The following NRG1 variants were observed in gnomAD, a reference collection of about 807,000 sequenced individuals.
NRG1 encodes neuregulin 1, also known as pro-neuregulin-1, membrane-bound isoform.
A neutral mutation model predicts 63.8 loss-of-function variants in NRG1; 18 were observed. The observed-to-expected ratio is 0.28, with a 90% CI of 0.19 to 0.42. The LOEUF is 0.42. NRG1 is among the 10% of genes least tolerant of loss of function. The pLI is 1.00. For synonymous variants in NRG1, 302 were observed against 301.3 expected, an observed-to-expected ratio of 1.00 and a Z score of -0.02; for missense variants, 762 against 814.7, an observed-to-expected ratio of 0.94 and a Z score of 0.79.
chr8:32,264,462 G>A (rs1033831772), intron 1 of NRG1, among the ~76,000 whole-genome samples: 15 of 152,106 alleles, frequency 9.9e-5, no homozygotes, highest in African/African-American at 3.6e-4. Flanking sequence ...AAGCTTTCTA[G>A]TAAGCAAAAA....
intron 5 of NRG1, among the ~76,000 whole-genome samples, chr8:32,627,778 A>C (rs562098338): frequency 1.3e-5 from 2 of 152,354 alleles, no homozygotes; most frequent in African/African-American, 4.8e-5. Flanking sequence ...TTAAAATTAT[A>C]AAACAAAAAT....
intron 1 of NRG1, among the ~76,000 whole-genome samples, chr8:32,083,898 T>C (rs1013033453): frequency 1.3e-5 from 2 of 152,154 alleles, no homozygotes; most frequent in Non-Finnish European, 2.9e-5. Context: ...AAAGGAAATT[T>C]TTCCCAGCAA....
chr8:32,596,911 C>T (rs1446590640), intron 2 of NRG1, among the ~76,000 whole-genome samples: 1 of 152,082 alleles, frequency 6.6e-6, no homozygotes, highest in African/African-American at 2.4e-5. Flanking sequence ...CCGAGGAGGT[C>T]CATATTTGAC....
intron 1 of NRG1, among the ~76,000 whole-genome samples, chr8:32,516,292 T>C (rs1209061594): frequency 6.6e-6 from 1 of 152,218 alleles, no homozygotes; most frequent in African/African-American, 2.4e-5. Context: ...ATTACCATGC[T>C]GTTTTTGTAT....
At chr8:32,680,697 C>G (rs75603701) in intron 5 of NRG1, among the ~76,000 whole-genome samples, 1 of 152,040 alleles carries the variant, frequency 6.6e-6, no homozygotes, top group Non-Finnish European at 1.5e-5. Context: ...TCTGATTCTT[C>G]CTTTTTACTC....
chr8:31,788,683 T>G (rs1820410306), intron 1 of NRG1, among the ~76,000 whole-genome samples: 1 of 152,162 alleles, frequency 6.6e-6, no homozygotes, highest in Non-Finnish European at 1.5e-5. Context: ...ACCTCTTGAA[T>G]TTGCTAAGGA....
intron 1 of NRG1, among the ~76,000 whole-genome samples, chr8:32,036,472 C>A (rs1302755277): frequency 2.0e-5 from 3 of 152,048 alleles, no homozygotes; most frequent in Non-Finnish European, 4.4e-5. Flanking sequence ...TTAAATGTTG[C>A]CCTTTCTTGC....
At chr8:32,161,656 C>T (rs763175527) in intron 1 of NRG1, among the ~76,000 whole-genome samples, 3 of 151,892 alleles carry the variant, frequency 2.0e-5, no homozygotes, top group Non-Finnish European at 4.4e-5. Context: ...ATGCAACAAA[C>T]AGTTGTATCT....
chr8:32,040,711 CATATATAT>C (rs67857068), intron 1 of NRG1, among the ~76,000 whole-genome samples: 49,897 of 84,464 alleles, frequency 0.59, 15,794 homozygotes, highest in Non-Finnish European at 0.68. Flanking sequence ...GAAATTTAGG[CATATATAT>C]ATATATATAT....
intron 1 of NRG1, among the ~76,000 whole-genome samples, chr8:31,813,519 T>TTCTTTTCTTTTC (rs778228643): frequency 5.2e-5 from 6 of 116,150 alleles, no homozygotes; most frequent in East Asian, 6.0e-4. Flanking sequence ...TTCTTTTCTT[T>TTCTTTTCTTTTC]TTTTTTTTTT....
At chr8:32,430,596 G>A (rs1680012620) in intron 1 of NRG1, among the ~76,000 whole-genome samples, 1 of 152,072 alleles carries the variant, frequency 6.6e-6, no homozygotes, top group Non-Finnish European at 1.5e-5. Flanking sequence ...CTGACAACTT[G>A]CAAATATTGT....
chr8:31,663,909 C>A (rs927282118), intron 1 of NRG1, among the ~76,000 whole-genome samples: 2 of 151,984 alleles, frequency 1.3e-5, no homozygotes, highest in African/African-American at 4.8e-5. Context: ...GAGTAGGTAA[C>A]TGTACTCAGC....
At chr8:32,500,589 C>T (rs138660004) in intron 1 of NRG1, among the ~76,000 whole-genome samples, 1 of 152,190 alleles carries the variant, frequency 6.6e-6, no homozygotes, top group East Asian at 1.9e-4. Flanking sequence ...GTGTTCTGTT[C>T]CAAGGAGAAT....
intron 1 of NRG1, among the ~76,000 whole-genome samples, chr8:31,704,074 C>T (rs555982639): frequency 6.6e-6 from 1 of 152,312 alleles, no homozygotes; most frequent in South Asian, 2.1e-4. Flanking sequence ...CAATGAGTTT[C>T]CTTTCTCTGA....
intron 1 of NRG1, among the ~76,000 whole-genome samples, chr8:31,933,018 G>A (rs1185996596): frequency 6.6e-6 from 1 of 152,004 alleles, no homozygotes; most frequent in African/African-American, 2.4e-5. Context: ...TCATTTTGTG[G>A]TTTGAAAAGT....
intron 1 of NRG1, among the ~76,000 whole-genome samples, chr8:32,017,577 C>T (rs938200447): frequency 2.6e-5 from 4 of 152,190 alleles, no homozygotes; most frequent in Non-Finnish European, 2.9e-5. Flanking sequence ...GTTTTACATG[C>T]GCTTCTGACC....
chr8:31,959,782 ATTTATTTATTTATTAT>A (rs1356314175), intron 1 of NRG1, among the ~76,000 whole-genome samples: 21 of 120,176 alleles, frequency 1.7e-4, no homozygotes, highest in African/African-American at 6.3e-4. Flanking sequence ...ACCACCGATT[ATTTATTTATTTATTAT>A]TTATTTATTT....
chr8:31,796,809 C>A (rs1821276095), intron 1 of NRG1, among the ~76,000 whole-genome samples: 1 of 152,162 alleles, frequency 6.6e-6, no homozygotes, highest in South Asian at 2.1e-4. Context: ...ACAAGTTAGT[C>A]CTGACTTCCA....
intron 5 of NRG1, among the ~76,000 whole-genome samples, chr8:32,654,769 C>G (rs1318314326): frequency 7.1e-6 from 1 of 140,518 alleles, no homozygotes; most frequent in Non-Finnish European, 1.6e-5. Flanking sequence ...GCGTTACATA[C>G]TTAGAAAGAA....
Sources: allele counts gnomAD v4.1 joint callset (sites outside exome capture counted in the v4.1 genomes callset), GRCh38; gene constraint gnomAD v4.1.1; transcripts MANE v1.5; gene names NCBI Gene and HGNC (gene_info 2026-07-23, HGNC 2026-07-21).